Variants in AKAP13 observed in about 807,000 individuals in gnomAD.
The protein encoded by AKAP13 is A-kinase anchoring protein 13.
AKAP13 carries 80 observed loss-of-function variants against 264.5 expected under a neutral mutation model. The observed-to-expected ratio is 0.30, with a 90% CI of 0.25 to 0.36. AKAP13 has a LOEUF of 0.36. Among genes scored for constraint, AKAP13 ranks in the 10% least tolerant of loss-of-function variants. The probability of loss-of-function intolerance (pLI) is 1.00; values close to 1 mark genes in which losing one functional copy is unlikely to be tolerated. For missense variants in AKAP13, 3,712 were observed against 3,435.2 expected, an observed-to-expected ratio of 1.08 and a Z score of -2.01; for synonymous variants, 1,380 against 1,250.2, an observed-to-expected ratio of 1.10 and a Z score of -2.19.
At chr15:85,439,952 C>T (rs1185423326) in intron 1 of AKAP13, among the ~76,000 whole-genome samples, 1 of 145,842 alleles carries the variant, frequency 6.9e-6, no homozygotes, top group Non-Finnish European at 1.5e-5. Flanking sequence ...CACATGTACC[C>T]TAAAACTTAA....
At chr15:85,716,094 G>A (rs1433309883) in intron 20 of AKAP13, among the ~76,000 whole-genome samples, 171 bp downstream of exon 20, 1 of 151,784 alleles carries the variant, frequency 6.6e-6, no homozygotes, top group East Asian at 1.9e-4. Flanking sequence ...TGTCATGATG[G>A]TCATTCTGTC....
At chr15:85,672,271 A>G (rs2083972213) in intron 14 of AKAP13, among the ~76,000 whole-genome samples, 1 of 152,252 alleles carries the variant, frequency 6.6e-6, no homozygotes, top group Non-Finnish European at 1.5e-5. Flanking sequence ...CTAATAGCAT[A>G]TGCTGCAACA....
At chr15:85,391,999 G>A (rs893196764) in intron 1 of AKAP13, among the ~76,000 whole-genome samples, 6 of 151,650 alleles carry the variant, frequency 4.0e-5, no homozygotes, top group Non-Finnish European at 8.8e-5. Flanking sequence ...TGGCCAGGCT[G>A]TTCTTGAACT....
Position 85,581,718 on chromosome 15 carries a change from G to A in AKAP13, c.3650G>A (p.Arg1217Gln), listed in dbSNP as rs746663730. Residue 1217 changes from arginine (R) to glutamine (Q), a missense_variant, in exon 7 of 37, where the codon CGA (arginine) becomes CAA (glutamine). Transcript: ENST00000394518. ...GAPAGVREVM[R>Q]APPSGRERST... is the part of the protein sequence containing the mutation. The stretch of plus-strand genomic sequence containing the variant: ...CCAGCTGGTGTGAGGGAAGTCATGC[G>A]AGCCCCGCCTTCAGGCAGGGAAAGG... The A allele has an allele frequency of 5.6e-6, 9 of 1,614,126 alleles. No individual in the cohort carries two copies. The highest frequency in any genetic ancestry group is 1.3e-5 in the African/African-American group (1 of 75,056).
At chr15:85,490,556 C>G (rs2151069678) in intron 2 of AKAP13, among the ~76,000 whole-genome samples, 1 of 152,294 alleles carries the variant, frequency 6.6e-6, no homozygotes, top group Non-Finnish European at 1.5e-5. Context: ...GTATAGTGGA[C>G]TGTGGTGTAG....
At chr15:85,465,759 A>T (rs1293467112) in intron 1 of AKAP13, among the ~76,000 whole-genome samples, 1 of 150,794 alleles carries the variant, frequency 6.6e-6, no homozygotes, top group Non-Finnish European at 1.5e-5. Flanking sequence ...TCATTGTTGG[A>T]CATTTCGGTT....
At chr15:85,381,521 C>CTTTTTTTTTTTTTTTTTTTTTTTTTCTTT (rs1168869870) in intron 1 of AKAP13, among the ~76,000 whole-genome samples, 1 of 64,290 alleles carries the variant, frequency 1.6e-5, no homozygotes, top group African/African-American at 6.6e-5. Flanking sequence ...CGGTTTACTG[C>CTTTTTTTTTTTTTTTTTTTTTTTTTCTTT]TTTTTTTTTT....
intron 1 of AKAP13, among the ~76,000 whole-genome samples, chr15:85,458,529 C>A (rs2074380174): frequency 6.6e-6 from 1 of 150,932 alleles, no homozygotes; most frequent in Non-Finnish European, 1.5e-5. Flanking sequence ...AATAATCATT[C>A]TCCTAATGTT....
At chr15:85,536,853 G>A (rs1466425775) in intron 4 of AKAP13, 1 of 152,188 alleles carries the variant, frequency 6.6e-6, no homozygotes, top group Non-Finnish European at 1.5e-5. Flanking sequence ...GGTATCATGA[G>A]GGAATTCTTT....
intron 1 of AKAP13, among the ~76,000 whole-genome samples, chr15:85,420,193 G>A (rs1596110822): frequency 2.6e-5 from 4 of 151,332 alleles, no homozygotes; most frequent in African/African-American, 7.3e-5. Flanking sequence ...CGCCCGCCTC[G>A]GCCTCCCAAA....
intron 1 of AKAP13, among the ~76,000 whole-genome samples, chr15:85,454,901 C>A (rs1306169651): frequency 6.6e-6 from 1 of 152,186 alleles, no homozygotes; most frequent in Non-Finnish European, 1.5e-5. Context: ...AGATTATCTC[C>A]TTTCTCGATC....
intron 1 of AKAP13, among the ~76,000 whole-genome samples, chr15:85,478,159 G>C (rs2075236275): frequency 6.6e-6 from 1 of 152,158 alleles, no homozygotes; most frequent in African/African-American, 2.4e-5. Flanking sequence ...CTTTACTAAA[G>C]TGGTAGGAAC....
chr15:85,612,828 AAAAAAAAG>A (rs1299414320), intron 8 of AKAP13, among the ~76,000 whole-genome samples: 3 of 122,452 alleles, frequency 2.4e-5, no homozygotes, highest in Non-Finnish European at 5.2e-5. Context: ...TGTCTCACAA[AAAAAAAAG>A]AAAAAAAGAA....
intron 9 of AKAP13, 126 bp downstream of exon 9, chr15:85,639,575 G>A (rs1433026937): frequency 1.1e-5 from 8 of 702,902 alleles, no homozygotes; most frequent in African/African-American, 1.8e-5. Flanking sequence ...TATGTGATCT[G>A]GGTTTGTAGG....
intron 8 of AKAP13, among the ~76,000 whole-genome samples, chr15:85,629,925 G>A (rs1415272948): frequency 1.3e-5 from 2 of 151,312 alleles, no homozygotes; most frequent in African/African-American, 4.9e-5. Flanking sequence ...GATTACAGGC[G>A]CCCACAACCA....
At chr15:85,458,758 A>G (rs528203034) in intron 1 of AKAP13, among the ~76,000 whole-genome samples, 2 of 152,214 alleles carry the variant, frequency 1.3e-5, no homozygotes, top group African/African-American at 2.4e-5. Flanking sequence ...AAAAAACATT[A>G]TATACTTTAA....
At chr15:85,737,597 A>G (rs1022571968) in intron 33 of AKAP13, among the ~76,000 whole-genome samples, 24 of 152,314 alleles carry the variant, frequency 1.6e-4, no homozygotes, top group Admixed American at 1.4e-3. Flanking sequence ...TGTTGCCACA[A>G]AAGTCTAAAT....
At chr15:85,492,306 C>T (rs1195206068) in intron 2 of AKAP13, among the ~76,000 whole-genome samples, 4 of 152,184 alleles carry the variant, frequency 2.6e-5, no homozygotes, top group Non-Finnish European at 4.4e-5. Flanking sequence ...CGCTTGAGCC[C>T]ACGAGTTCAA....
chr15:85,579,760 A>T lies in AKAP13; in HGVS notation c.1692A>T (p.Lys564Asn). ...AFSNEETSTE[K>N]TAETETSRSR... ...GTAATGAAGAAACCTCCACTGAAAA[A>T]ACAGCAGAAACGGAAACTTCACGAA... is the stretch of plus-strand genomic sequence containing the variant. Residue 564 changes from lysine to asparagine, a missense_variant, in exon 7 of 37, where the codon AAA becomes AAT. By Grantham distance (94) the Lys-to-Asn change is moderately conservative (BLOSUM62 0). This residue lies in a region of AKAP13 where 2,759 missense variants were observed against 2,411.7 expected (regional missense o/e 1.14). Transcript: ENST00000394518. The T allele has an allele frequency of 6.2e-7, 1 of 1,614,240 alleles. No homozygotes were observed. The highest frequency in any genetic ancestry group is 1.3e-5 in the African/African-American group (1 of 75,050).
Sources: gnomAD v4.1 joint callset for allele counts (sites outside exome capture counted in the v4.1 genomes callset) on GRCh38, gnomAD v4.1.1 for gene constraint, gnomAD v4.1.1 regional missense constraint, MANE v1.5 for transcripts, NCBI Gene and HGNC (gene_info 2026-07-23, HGNC 2026-07-21) for gene names.